The following DSCAML1 variants were observed in gnomAD, a reference collection of about 807,000 sequenced individuals.
DSCAML1 encodes the protein cell adhesion molecule DSCAML1.
A neutral mutation model predicts 200.5 loss-of-function variants in DSCAML1; 38 were observed. The ratio of observed to expected loss-of-function variants is 0.19; its 90% confidence interval spans 0.15 to 0.25. The LOEUF is 0.25. Ranked by LOEUF, DSCAML1 falls within the 10% of genes least tolerant of loss-of-function variation. The pLI is 1.00. For synonymous variants in DSCAML1, 1,215 were observed against 1,165.0 expected, an observed-to-expected ratio of 1.04 and a Z score of -0.87; for missense variants, 2,223 against 2,858.8, an observed-to-expected ratio of 0.78 and a Z score of 5.07.
intron 3 of DSCAML1, among the ~76,000 whole-genome samples, chr11:117,671,517 GC>G (rs1489622967): frequency 6.6e-6 from 1 of 152,222 alleles, no homozygotes; most frequent in Non-Finnish European, 1.5e-5. Flanking sequence ...GAGGCTGTGT[GC>G]CCGGCAGGAT....
rs1027471293 is a variant in DSCAML1, at chr11:117,518,815, C to T, written c.1214-53G>A. 2.9e-5 allele frequency: 45 copies of T among 1,542,340 alleles called. No individual in the cohort carries two copies. Among genetic ancestry groups the T allele is most frequent in the Middle Eastern group, 1.9e-4 (1 of 5,154 alleles). On this transcript the variant is annotated intron_variant, in intron 6 of 32. Coordinates refer to ENST00000651296, the MANE Select transcript of DSCAML1 (RefSeq NM_020693.4). The surrounding 1 kb of genome is among the most constrained non-coding windows in gnomAD (Gnocchi z 6.3). ...GGTCACCAAGCCATGGAGAGACGGTCCCCCCAGCCACCCCACCTCAGCAGG... is the reference window on the plus strand; with the variant it reads ...GGTCACCAAGCCATGGAGAGACGGTTCCCCCAGCCACCCCACCTCAGCAGG...
chr11:117,496,606 T>C (rs1175327883), intron 11 of DSCAML1, among the ~76,000 whole-genome samples: 1 of 152,244 alleles, frequency 6.6e-6, no homozygotes, highest in Non-Finnish European at 1.5e-5. Flanking sequence ...CCCTTTATGG[T>C]ACCTTGGAGC....
At chr11:117,526,367 CA>C (rs2049979553) in intron 4 of DSCAML1, among the ~76,000 whole-genome samples, 1 of 152,218 alleles carries the variant, frequency 6.6e-6, no homozygotes, top group Non-Finnish European at 1.5e-5. Context: ...GATGCCCAGC[CA>C]GCCTGCTCTG....
intron 3 of DSCAML1, among the ~76,000 whole-genome samples, chr11:117,736,110 A>T (rs1404967828): frequency 1.3e-5 from 2 of 152,246 alleles, no homozygotes; most frequent in Non-Finnish European, 2.9e-5. Context: ...AAGTGATGTT[A>T]TAACCCCACA....
intron 3 of DSCAML1, among the ~76,000 whole-genome samples, chr11:117,653,203 G>C (rs543491256): frequency 6.6e-6 from 1 of 152,216 alleles, no homozygotes; most frequent in African/African-American, 2.4e-5. Context: ...TGTGTGTAGG[G>C]GAAATGGCCA....
At chr11:117,484,240 A>G (rs1419286892) in intron 11 of DSCAML1, among the ~76,000 whole-genome samples, 1 of 152,164 alleles carries the variant, frequency 6.6e-6, no homozygotes, top group Non-Finnish European at 1.5e-5. Context: ...GGAGCCACAG[A>G]GCTGCCACGG....
rs1364044890 is a variant in DSCAML1 at position 117,463,278 on chromosome 11, A to G, written c.3265+1664T>C. On this transcript the variant is annotated intron_variant, in intron 17 of 32. Transcript: ENST00000651296. The surrounding 1 kb of genome is among the most constrained non-coding windows in gnomAD (Gnocchi z 4.0). ...TGAGCCTTGGCCTCCCTTCATGGAT[A>G]ATTGTGCGACTCTTGGTGCTATGAT... 6.6e-6 allele frequency among the ~76,000 whole-genome samples: 1 copy of G among 151,948 alleles called. No homozygotes were observed. The highest frequency in any genetic ancestry group is 2.4e-5 in the African/African-American group (1 of 41,332).
chr11:117,816,807 G>GGCGGT (rs762228794), intron 1 of DSCAML1, among the ~76,000 whole-genome samples: 1 of 115,046 alleles, frequency 8.7e-6, no homozygotes, highest in Non-Finnish European at 2.0e-5. Flanking sequence ...CTGGGGGGGT[G>GGCGGT]GGGTGGAGAT....
chr11:117,564,606 G>T (rs1591270397), intron 3 of DSCAML1, among the ~76,000 whole-genome samples: 2 of 151,864 alleles, frequency 1.3e-5, no homozygotes, highest in East Asian at 3.9e-4. Context: ...CTCACTCCTT[G>T]CCTCCCTCAA....
intron 20 of DSCAML1, among the ~76,000 whole-genome samples, chr11:117,445,710 C>T (rs2137104049): frequency 6.6e-6 from 1 of 152,280 alleles, no homozygotes; most frequent in Admixed American, 6.5e-5. Flanking sequence ...TGGAGAACAG[C>T]TGAGTGTATG....
At chr11:117,453,748 T>TTC (rs202020880) in intron 19 of DSCAML1, among the ~76,000 whole-genome samples, 2 of 132,910 alleles carry the variant, frequency 1.5e-5, no homozygotes, top group African/African-American at 2.9e-5. Flanking sequence ...CTTTCTTTCT[T>TTC]TTTTTTTTTT....
chr11:117,610,810 C>T (rs1310486789), intron 3 of DSCAML1, among the ~76,000 whole-genome samples: 2 of 148,042 alleles, frequency 1.4e-5, no homozygotes, highest in Non-Finnish European at 3.0e-5. Context: ...ACAAGTAACA[C>T]TGCCCAAACC....
At chr11:117,760,910 T>C (rs2054788919) in intron 3 of DSCAML1, among the ~76,000 whole-genome samples, 2 of 152,180 alleles carry the variant, frequency 1.3e-5, no homozygotes, top group Non-Finnish European at 2.9e-5. Context: ...ATAACACTAT[T>C]TAGAGACAGA....
At chr11:117,793,643 A>G (rs990292672) in intron 1 of DSCAML1, among the ~76,000 whole-genome samples, 3 of 152,012 alleles carry the variant, frequency 2.0e-5, no homozygotes, top group Non-Finnish European at 4.4e-5. Context: ...CTGCTTCCCT[A>G]CCAAGCTCTC....
intron 3 of DSCAML1, among the ~76,000 whole-genome samples, chr11:117,563,023 A>G (rs532195524): frequency 6.6e-6 from 1 of 152,270 alleles, no homozygotes; most frequent in African/African-American, 2.4e-5. Context: ...TCACTCATTG[A>G]CGTGCCCCCG....
At chr11:117,431,821 G>A in intron 30 of DSCAML1, 93 bp from the exon 31 acceptor site, 1 of 1,282,348 alleles carries the variant, frequency 7.8e-7, no homozygotes, top group Non-Finnish European at 1.1e-6. Flanking sequence ...GGGGGAGCAA[G>A]GGAAGAGGCA....
intron 11 of DSCAML1, among the ~76,000 whole-genome samples, chr11:117,501,321 A>C (rs2049389804): frequency 6.6e-6 from 1 of 152,176 alleles, no homozygotes; most frequent in Non-Finnish European, 1.5e-5. Context: ...CAGGTGCACC[A>C]GCAGTCCACC....
rs1555194457 is a variant in DSCAML1, at chr11:117,649,039, A to ATATATATG, written c.512-116518_512-116517insCATATATA. On this transcript the variant is annotated intron_variant, in intron 3 of 32. Transcript: ENST00000651296. ...CCTCTCGCTCTCTCTCTCTCCATAT[A>ATATATATG]TATGTGTGTGTGTGTGTGTGTGTGT... 1.1e-4 allele frequency among the ~76,000 whole-genome samples: 14 copies of ATATATATG among 131,540 alleles called. 1 individual carries two copies. The highest frequency in any genetic ancestry group is 4.5e-4 in the Admixed American group (6 of 13,466). The allele number at this position is 131,540 out of a possible 152,430, so 86.3% of individuals were successfully genotyped here. A position where few individuals can be genotyped will look rare whatever the true frequency, so the allele number is the denominator to read the frequency against.
chr11:117,645,438 A>AT (rs1189615460), intron 3 of DSCAML1, among the ~76,000 whole-genome samples: 1 of 152,052 alleles, frequency 6.6e-6, no homozygotes, highest in East Asian at 1.9e-4. Flanking sequence ...TTTGTGAGAC[A>AT]TTTTTTCTTT....
Sources: allele counts gnomAD v4.1 joint callset (sites outside exome capture counted in the v4.1 genomes callset), GRCh38; gene constraint gnomAD v4.1.1; non-coding constraint Gnocchi (gnomAD v3.1); transcripts MANE v1.5; gene names NCBI Gene and HGNC (gene_info 2026-07-23, HGNC 2026-07-21).